CETP: variants seen among roughly 807,000 people sequenced by gnomAD.
CETP encodes cholesteryl ester transfer protein, also known as BPI fold containing family F.
CETP carries 56 observed loss-of-function variants against 66.5 expected under a neutral mutation model. That is an observed-to-expected ratio of 0.84 (90% confidence interval 0.68 to 1.05). The LOEUF (loss-of-function observed/expected upper bound fraction) is 1.05. Ranked by LOEUF, CETP falls within the 50% of genes least tolerant of loss-of-function variation. The pLI is 0.00. For missense variants in CETP, 612 were observed against 609.6 expected, an observed-to-expected ratio of 1.00 and a Z score of -0.04; for synonymous variants, 251 against 245.7, an observed-to-expected ratio of 1.02 and a Z score of -0.20.
At position 56,981,190 on chromosome 16, in the gene CETP, T is replaced by C. The variant is rs1204891281; in HGVS notation, c.1179T>C (p.Ser393=). The C allele has an allele frequency of 2.5e-6, 4 of 1,613,886 alleles. No homozygotes were observed. Among genetic ancestry groups the C allele is most frequent in the South Asian group, 1.1e-5 (1 of 91,080 alleles). The change falls in exon 12 of 16, where the codon TCT becomes TCC. Residue 393 remains serine, a synonymous_variant. Coordinates refer to ENST00000200676, the MANE Select transcript of CETP (RefSeq NM_000078.3). ...TGACTACCGTCCAGGCCTCCTATTC[T>C]AAGAAAAAGCTCTTCTTAAGCCTCT... The part of the protein sequence containing the change: ...DIVTTVQASY[S]KKKLFLSLLD...
chr16:56,971,359 C>T lies in CETP; in HGVS notation c.636C>T (p.Ala212=), dbSNP rs5885. The stretch of plus-strand genomic sequence containing the variant: ...TCAACGTCATCTCTAACATCATGGC[C>T]GATTTTGTCCAGACAAGGGCTGGTG... ...KEINVISNIM[A]DFVQTRAASI... The change falls in exon 7 of 16, where the codon GCC becomes GCT. Residue 212 remains alanine (A), a synonymous_variant. Transcript: ENST00000200676. 4.5e-4 allele frequency: 733 copies of T among 1,614,022 alleles called. 5 individuals carry two copies. The African/African-American group carries it at 8.5e-3, about 19-fold the overall frequency.
intron 2 of CETP, among the ~76,000 whole-genome samples, chr16:56,964,911 G>A (rs1201406328): frequency 6.6e-6 from 1 of 152,154 alleles, no homozygotes; most frequent in Non-Finnish European, 1.5e-5. Flanking sequence ...CGAGGTAGGA[G>A]GATTACCTCA....
chr16:56,981,522 G>C (rs2056187754), intron 12 of CETP, 125 bp from the exon 13 acceptor site: 4 of 1,166,824 alleles, frequency 3.4e-6, no homozygotes, highest in Admixed American at 1.7e-5. Context: ...TCTCAAGAGA[G>C]TGCCCCAAAG....
chr16:56,969,866 C>T, intron 4 of CETP, 48 bp from the exon 5 acceptor site: 1 of 1,593,086 alleles, frequency 6.3e-7, no homozygotes, highest in Non-Finnish European at 8.6e-7. Context: ...ATGTGGATAC[C>T]ATCTGATAGC....
intron 1 of CETP, 87 bp from the exon 2 acceptor site, chr16:56,962,923 G>C (rs1057472493): frequency 2.6e-6 from 3 of 1,156,368 alleles, no homozygotes; most frequent in African/African-American, 1.5e-5. Flanking sequence ...TCTCAGAGAG[G>C]CTGAGTCATG....
chr16:56,966,611 G>T (rs1455198684), intron 2 of CETP, among the ~76,000 whole-genome samples: 1 of 151,780 alleles, frequency 6.6e-6, no homozygotes, highest in Non-Finnish European at 1.5e-5. Context: ...TTTTTTGTTT[G>T]TTTTTGAGAC....
At chr16:56,972,202 G>C in intron 8 of CETP, 119 bp downstream of exon 8, 2 of 738,548 alleles carry the variant, frequency 2.7e-6, no homozygotes, top group Non-Finnish European at 4.7e-6. Flanking sequence ...GTCCTGGGGC[G>C]CTCCTCCTCA....
Position 56,962,113 on chromosome 16 carries a change from T to G in CETP, c.118+16T>G. 5.6e-6 allele frequency: 9 copies of G among 1,597,220 alleles called. No homozygotes were observed. The highest frequency in any genetic ancestry group is 6.9e-6 in the Non-Finnish European group (8 of 1,164,984). On this transcript the variant is annotated intron_variant, in intron 1 of 15. Coordinates refer to ENST00000200676, the MANE Select transcript of CETP (RefSeq NM_000078.3). ...CTCCTGGTGTGTAAGTATCAGTGCATCTGTCTGCCCTGCCAGGGGTCTTTT... is the reference window on the plus strand; with the variant it reads ...CTCCTGGTGTGTAAGTATCAGTGCAGCTGTCTGCCCTGCCAGGGGTCTTTT...
chr16:56,972,201 C>A, intron 8 of CETP, 118 bp downstream of exon 8: 1 of 738,136 alleles, frequency 1.4e-6, no homozygotes, highest in East Asian at 2.7e-5. Flanking sequence ...AGTCCTGGGG[C>A]GCTCCTCCTC....
In CETP at chr16:56,963,074, G is replaced by A. The variant is rs746717309; in HGVS notation, c.183G>A (p.Thr61=). Residue 61 remains threonine, a synonymous_variant, in exon 2 of 16, where the codon ACG becomes ACA. Coordinates refer to ENST00000200676, the MANE Select transcript of CETP (RefSeq NM_000078.3). ...AFQRASYPDI[T]GEKAMMLLGQ... is the part of the protein sequence containing the mutation. ...AGCGAGCCAGCTACCCAGATATCAC[G>A]GGCGAGAAGGCCATGATGCTCCTTG... The A allele has an allele frequency of 2.6e-5, 42 of 1,614,034 alleles. No individual in the cohort carries two copies. Among genetic ancestry groups the A allele is most frequent in the Middle Eastern group, 1.6e-4 (1 of 6,084 alleles).
At chr16:56,968,194 A>AT (rs1240406849) in intron 2 of CETP, among the ~76,000 whole-genome samples, 48 of 147,566 alleles carry the variant, frequency 3.3e-4, no homozygotes, top group East Asian at 1.6e-3. Context: ...TTGTCAATCT[A>AT]TTTTTTTTTT....
At chr16:56,963,155 G>A (rs1286445918) in intron 2 of CETP, 31 bp downstream of exon 2, 1 of 1,572,638 alleles carries the variant, frequency 6.4e-7, no homozygotes, top group South Asian at 1.1e-5. Flanking sequence ...GACCAGGCTG[G>A]GGGTAGGGAG....
At chr16:56,972,229 G>A (rs1423642521) in intron 8 of CETP, 146 bp downstream of exon 8, 7 of 669,156 alleles carry the variant, frequency 1.0e-5, no homozygotes, top group African/African-American at 1.8e-5. Context: ...ATGCTCCTCC[G>A]CATTCCTGAT....
intron 2 of CETP, among the ~76,000 whole-genome samples, chr16:56,968,059 T>A (rs561976812): frequency 2.6e-4 from 40 of 152,162 alleles, no homozygotes; most frequent in Admixed American, 1.9e-3. Context: ...TATTTTTTTT[T>A]AATTTTATTT....
At chr16:56,972,692 C>G (rs2056120965) in intron 8 of CETP, among the ~76,000 whole-genome samples, 1 of 152,188 alleles carries the variant, frequency 6.6e-6, no homozygotes, top group Non-Finnish European at 1.5e-5. Context: ...TCGCAGGACC[C>G]CACCCTAGCT....
intron 2 of CETP, among the ~76,000 whole-genome samples, chr16:56,967,468 A>C (rs2056075785): frequency 6.6e-6 from 1 of 152,104 alleles, no homozygotes; most frequent in South Asian, 2.1e-4. Flanking sequence ...CCAGCCTGGC[A>C]ACATGGTGAA....
Position 56,978,077 on chromosome 16 carries a change from C to T in CETP, c.982-14C>T. On this transcript the variant is annotated splice_polypyrimidine_tract_variant and intron_variant, in intron 10 of 15. Coordinates refer to ENST00000200676, the MANE Select transcript of CETP (RefSeq NM_000078.3). The stretch of plus-strand genomic sequence containing the variant: ...GGGCCCCTGTCCTGGCCATGGGACC[C>T]CTGTCTTCCACAGGTTGTCGGCGGC... 1 of 1,613,738 alleles carries T rather than the reference C, an allele frequency of 6.2e-7. No homozygotes were observed. Among genetic ancestry groups the T allele is most frequent in the South Asian group, 1.1e-5 (1 of 91,056 alleles).
In CETP at chr16:56,969,913, G is replaced by C; in HGVS notation, c.440-1G>C. On this transcript the variant is annotated splice_acceptor_variant, in intron 4 of 15. Transcript: ENST00000200676. LOFTEE classifies it high-confidence loss of function. Reference sequence around the variant, plus strand: ...TGAGGTCATGTCGGGTCTCCCTGCAGCCTGTGACTCTGGTAGAGTGCGGAC... The same window carrying C: ...TGAGGTCATGTCGGGTCTCCCTGCACCCTGTGACTCTGGTAGAGTGCGGAC... 1 of 1,614,026 alleles carries C rather than the reference G, an allele frequency of 6.2e-7. No homozygotes were observed. Among genetic ancestry groups the C allele is most frequent in the Non-Finnish European group, 8.5e-7 (1 of 1,179,946 alleles).
Position 56,983,426 on chromosome 16 carries a change from C to T in CETP, c.1407+15C>T. The T allele has an allele frequency of 6.2e-7, 1 of 1,613,402 alleles. No homozygotes were observed. The highest frequency in any genetic ancestry group is 8.5e-7 in the Non-Finnish European group (1 of 1,179,302). ...TCACTCGAGATGTGAGTACAAAGCC[C>T]CCCTCACCAGCCCCTGTTCCTGGGG... On this transcript the variant is annotated intron_variant, in intron 15 of 15. Coordinates refer to ENST00000200676, the MANE Select transcript of CETP (RefSeq NM_000078.3).
Sources: gnomAD v4.1 joint callset for allele counts (sites outside exome capture counted in the v4.1 genomes callset) on GRCh38, gnomAD v4.1.1 for gene constraint, MANE v1.5 for transcripts, NCBI Gene and HGNC (gene_info 2026-07-23, HGNC 2026-07-21) for gene names.